Variants in WWP1 observed in about 807,000 individuals in gnomAD.
The protein encoded by WWP1 is NEDD4-like E3 ubiquitin-protein ligase WWP1.
A neutral mutation model predicts 130.6 loss-of-function variants in WWP1; 49 were observed. That is an observed-to-expected ratio of 0.38 (90% CI 0.30 to 0.48). The LOEUF is 0.48. Among genes scored for constraint, WWP1 ranks in the 20% least tolerant of loss-of-function variants. WWP1 has a pLI of 0.99. For missense variants in WWP1, 809 were observed against 1,100.6 expected (o/e 0.74, Z 3.75); for synonymous variants, 332 against 367.8 (o/e 0.90, Z 1.11).
intron 20 of WWP1, among the ~76,000 whole-genome samples, chr8:86,449,692 T>C (rs959091911): frequency 1.3e-5 from 2 of 152,240 alleles, no homozygotes; most frequent in Non-Finnish European, 2.9e-5. Flanking sequence ...TGCCTCCTAC[T>C]GATGTCTTCT....
At chr8:86,348,098 T>G (rs1336172160) in intron 1 of WWP1, among the ~76,000 whole-genome samples, 1 of 152,198 alleles carries the variant, frequency 6.6e-6, no homozygotes, top group Non-Finnish European at 1.5e-5. Context: ...TTAAACAACT[T>G]TTTTAGGGAA....
intron 16 of WWP1, among the ~76,000 whole-genome samples, 157 bp downstream of exon 16, chr8:86,435,861 G>T (rs1810259572): frequency 6.6e-6 from 1 of 151,934 alleles, no homozygotes; most frequent in African/African-American, 2.4e-5. Flanking sequence ...GTTTTGTTTT[G>T]TTTTGTTCTG....
intron 24 of WWP1, among the ~76,000 whole-genome samples, chr8:86,462,379 G>A (rs375328354): frequency 1.3e-4 from 20 of 152,252 alleles, no homozygotes; most frequent in East Asian, 1.2e-3. Flanking sequence ...CAAAGACCCC[G>A]AAGAAATTGT....
chr8:86,424,207 G>GGGT (rs1809443452), intron 9 of WWP1, among the ~76,000 whole-genome samples: 1 of 151,366 alleles, frequency 6.6e-6, no homozygotes, highest in African/African-American at 2.4e-5. Context: ...ATCCCAGACG[G>GGGT]GGCGGCGGGG....
At chr8:86,444,534 A>G (rs190393986) in intron 18 of WWP1, among the ~76,000 whole-genome samples, 2 of 152,358 alleles carry the variant, frequency 1.3e-5, no homozygotes, top group East Asian at 1.9e-4. Context: ...TAAGTAACCA[A>G]CAAAAGATCT....
In WWP1 at chr8:86,453,316, A is replaced by C. The variant is rs183013442; in HGVS notation, c.2394+637A>C. 3.3e-5 allele frequency among the ~76,000 whole-genome samples: 5 copies of C among 152,164 alleles called. No individual in the cohort carries two copies. In the East Asian group the frequency reaches 9.7e-4, roughly 29 times the overall value. On this transcript the variant is annotated intron_variant, in intron 21 of 24. Transcript: ENST00000517970. ...TTACTTTCTGTGACTGGGTTATTTC[A>C]CTCAGCCTAATATCCTCAAGGTTCA...
At chr8:86,448,349 T>C (rs1420652611) in intron 19 of WWP1, 24 bp from the exon 20 acceptor site, 2 of 1,601,534 alleles carry the variant, frequency 1.2e-6, no homozygotes, top group Admixed American at 1.8e-5. Flanking sequence ...TGTTAATTAG[T>C]GTATATATAT....
chr8:86,467,235 A>C lies in WWP1; in HGVS notation c.*342A>C, dbSNP rs552449457. The C allele has an allele frequency of 5.8e-6, 1 of 172,574 alleles. No homozygotes were observed. Among genetic ancestry groups the C allele is most frequent in the African/African-American group, 2.4e-5 (1 of 41,826 alleles). The allele number at this position is 172,574 out of a possible 1,614,324, so 10.7% of individuals were successfully genotyped here. On this transcript the variant is annotated 3_prime_UTR_variant, in exon 25 of 25. Transcript: ENST00000517970. Reference sequence around the variant, plus strand: ...TAAACATGACAGCCATTCATTCATAAAGATCTGGATTTGCTTTACCTTGTT... The same window carrying C: ...TAAACATGACAGCCATTCATTCATACAGATCTGGATTTGCTTTACCTTGTT...
intron 1 of WWP1, among the ~76,000 whole-genome samples, chr8:86,359,044 A>G (rs1251918512): frequency 6.6e-6 from 1 of 152,206 alleles, no homozygotes; most frequent in Non-Finnish European, 1.5e-5. Context: ...TTGGTATCCA[A>G]ATCTGTATGA....
Position 86,466,923 on chromosome 8 carries a change from G to C in WWP1, c.*30G>C. 1 of 1,536,556 alleles carries C rather than the reference G, an allele frequency of 6.5e-7. No homozygotes were observed. Among genetic ancestry groups the C allele is most frequent in the Middle Eastern group, 2.3e-4 (1 of 4,274 alleles). ...GGCTTCTTATTTTGGAGGAGCTCTT[G>C]CATTTAAATACCCCAGCCAAGAAAA... On this transcript the variant is annotated 3_prime_UTR_variant, in exon 25 of 25. Coordinates refer to ENST00000517970, the MANE Select transcript of WWP1 (RefSeq NM_007013.4).
chr8:86,403,009 G>C lies in WWP1; in HGVS notation c.724+806G>C, dbSNP rs189952204. 5.0e-3 allele frequency among the ~76,000 whole-genome samples: 766 copies of C among 152,238 alleles called. 3 individuals are homozygous for C. The highest frequency in any genetic ancestry group is 6.8e-3 in the Middle Eastern group (2 of 294). On this transcript the variant is annotated intron_variant, in intron 8 of 24. Coordinates refer to ENST00000517970, the MANE Select transcript of WWP1 (RefSeq NM_007013.4). The stretch of plus-strand genomic sequence containing the variant: ...CTGTATTATAGAAGGAATGCCTAAG[G>C]AAGATGTCCTCTATAATCCTTAGTG...
intron 18 of WWP1, among the ~76,000 whole-genome samples, chr8:86,445,010 A>G (rs73257062): frequency 0.12 from 18,922 of 152,020 alleles, 3,118 homozygotes; most frequent in African/African-American, 0.38. Context: ...TGAGGGCCTC[A>G]GGCTGCTTCC....
intron 8 of WWP1, 53 bp downstream of exon 8, chr8:86,402,256 A>T (rs1808032283): frequency 6.3e-7 from 1 of 1,577,484 alleles, no homozygotes. Context: ...AATGAAGTTT[A>T]TGTATCCATC....
intron 8 of WWP1, among the ~76,000 whole-genome samples, chr8:86,405,333 T>C (rs1393518898): frequency 2.0e-5 from 3 of 151,584 alleles, no homozygotes; most frequent in African/African-American, 7.2e-5. Flanking sequence ...AGGATTTTTT[T>C]TTTTTTTTTT....
intron 5 of WWP1, among the ~76,000 whole-genome samples, chr8:86,395,104 T>C (rs10102749): frequency 0.59 from 89,826 of 151,890 alleles, 27,542 homozygotes; most frequent in African/African-American, 0.75. Flanking sequence ...TCTACACTCT[T>C]GGGCGTACCA....
intron 21 of WWP1, 88 bp from the exon 22 acceptor site, chr8:86,457,833 G>T: frequency 8.3e-7 from 1 of 1,206,254 alleles, no homozygotes. Context: ...AATTTGCCAT[G>T]TGCATAACTG....
intron 12 of WWP1, 51 bp from the exon 13 acceptor site, chr8:86,431,355 A>G (rs1809966038): frequency 1.1e-6 from 1 of 889,204 alleles, no homozygotes; most frequent in Admixed American, 3.0e-5. Context: ...TCCTTATTTT[A>G]TATATAGATC....
rs150965889 is a variant in WWP1, at chr8:86,402,130, G to A, written c.651G>A (p.Pro217=). ...ATGGAGACAACACACCTTCATCTCC[G>A]TCTCAGGTTGCTGCCAGACCCAAAA... ...VVNGDNTPSS[P]SQVAARPKNT... The change falls in exon 8 of 25, where the codon CCG becomes CCA. Residue 217 remains proline, a synonymous_variant. Coordinates refer to ENST00000517970, the MANE Select transcript of WWP1 (RefSeq NM_007013.4). The A allele has an allele frequency of 1.7e-5, 27 of 1,613,848 alleles. No homozygotes were observed. The highest frequency in any genetic ancestry group is 4.5e-5 in the East Asian group (2 of 44,874).
intron 8 of WWP1, among the ~76,000 whole-genome samples, chr8:86,411,115 T>A (rs1304567218): frequency 6.6e-6 from 1 of 152,198 alleles, no homozygotes; most frequent in Non-Finnish European, 1.5e-5. Flanking sequence ...ATCATACAGT[T>A]CCTACTATTG....
Sources: gnomAD v4.1 joint callset for allele counts (sites outside exome capture counted in the v4.1 genomes callset) on GRCh38, gnomAD v4.1.1 for gene constraint, MANE v1.5 for transcripts, NCBI Gene and HGNC (gene_info 2026-07-23, HGNC 2026-07-21) for gene names.